The following GLIS3 variants were observed in gnomAD, a reference collection of about 807,000 sequenced individuals.
The protein encoded by GLIS3 is zinc finger protein GLIS3.
In GLIS3, 53 loss-of-function variants were observed where a neutral mutation model predicts 78.6. The ratio of observed to expected loss-of-function variants is 0.67; its 90% CI spans 0.54 to 0.85. The LOEUF (loss-of-function observed/expected upper bound fraction) is 0.85, where lower values mean the gene tolerates loss of function less well. GLIS3 is among the 40% of genes least tolerant of loss of function. The pLI is 0.00. For synonymous variants in GLIS3, 684 were observed against 509.9 expected, an observed-to-expected ratio of 1.34 and a Z score of -4.60; for missense variants, 1,703 against 1,231.1, an observed-to-expected ratio of 1.38 and a Z score of -5.74.
chr9:4,142,641 T>C (rs556607319), intron 2 of GLIS3, among the ~76,000 whole-genome samples: 1 of 152,292 alleles, frequency 6.6e-6, no homozygotes, highest in African/African-American at 2.4e-5. Context: ...AAATCCAGTT[T>C]GAAATAAAAT....
At chr9:4,431,084 T>A in the GLIS3 span, among the ~76,000 whole-genome samples, 5 of 152,216 alleles carry the variant, frequency 3.3e-5, no homozygotes, top group Non-Finnish European at 7.3e-5. Context: ...TGGGCCTTTT[T>A]TCCTACCGTT....
chr9:3,980,410 A>G (rs1819161632), intron 4 of GLIS3, among the ~76,000 whole-genome samples: 1 of 152,154 alleles, frequency 6.6e-6, no homozygotes, highest in African/African-American at 2.4e-5. Flanking sequence ...CAGAGTCCAT[A>G]TCTCTCTCCT....
the GLIS3 span, among the ~76,000 whole-genome samples, chr9:4,383,801 T>G: frequency 2.6e-5 from 4 of 152,220 alleles, no homozygotes; most frequent in Non-Finnish European, 5.9e-5. Context: ...GACCACAAAC[T>G]TCTATGTTCA....
the GLIS3 span, among the ~76,000 whole-genome samples, chr9:4,474,020 C>G: frequency 7.6e-6 from 1 of 131,582 alleles, no homozygotes; most frequent in Non-Finnish European, 1.8e-5. Context: ...GTCAGTTCCC[C>G]CCTAAAGCTA....
chr9:4,118,884 G>A lies in GLIS3; in HGVS notation c.597-3C>T, dbSNP rs768036394. On this transcript the variant is annotated splice_region_variant and splice_polypyrimidine_tract_variant and intron_variant, in intron 3 of 10. Transcript: ENST00000381971. The surrounding 1 kb of genome is among the most constrained non-coding windows in gnomAD (Gnocchi z 4.7). ...AAGACTCACGCGAAATAAGGGACCTGGAACAGCAGCCAGAAAGGAAGAAAA... is the reference window on the plus strand; with the variant it reads ...AAGACTCACGCGAAATAAGGGACCTAGAACAGCAGCCAGAAAGGAAGAAAA... The A allele has an allele frequency of 3.7e-6, 6 of 1,600,694 alleles. No individual in the cohort carries two copies. The Admixed American group carries it at 1.0e-4, about 27-fold the overall frequency.
At chr9:4,472,905 A>G in the GLIS3 span, among the ~76,000 whole-genome samples, 2 of 152,214 alleles carry the variant, frequency 1.3e-5, no homozygotes, top group African/African-American at 4.8e-5. Flanking sequence ...CTATATTTCT[A>G]GATATCATTA....
intron 2 of GLIS3, among the ~76,000 whole-genome samples, chr9:4,263,276 G>C (rs943506321): frequency 2.0e-5 from 3 of 152,160 alleles, no homozygotes; most frequent in African/African-American, 7.2e-5. Context: ...GTGTTGATGG[G>C]TGAGATCACG....
intron 1 of GLIS3, among the ~76,000 whole-genome samples, chr9:4,294,363 G>T (rs530231281): frequency 1.3e-4 from 20 of 152,240 alleles, no homozygotes; most frequent in African/African-American, 4.1e-4. Context: ...TACAAAATTA[G>T]CCAGGCATGG....
the GLIS3 span, among the ~76,000 whole-genome samples, chr9:4,356,594 T>C: frequency 2.6e-5 from 4 of 152,234 alleles, no homozygotes; most frequent in South Asian, 4.1e-4. Flanking sequence ...GCTGTCTCTA[T>C]TGCAGCTATT....
At chr9:4,183,697 A>T (rs1296645165) in intron 2 of GLIS3, among the ~76,000 whole-genome samples, 2 of 152,210 alleles carry the variant, frequency 1.3e-5, no homozygotes, top group East Asian at 1.9e-4. Context: ...TACAAAATTT[A>T]AAAAATAATA....
intron 4 of GLIS3, among the ~76,000 whole-genome samples, chr9:4,307,036 G>A (rs908671049): frequency 6.6e-6 from 1 of 152,208 alleles, no homozygotes; most frequent in African/African-American, 2.4e-5. Context: ...GGCAAGTTAT[G>A]AGTGATCTGT....
intron 2 of GLIS3, among the ~76,000 whole-genome samples, chr9:4,232,779 T>A (rs767019777): frequency 6.6e-6 from 1 of 152,206 alleles, no homozygotes; most frequent in Non-Finnish European, 1.5e-5. Context: ...ATTCCTATTC[T>A]TTGTTTTTCC....
At chr9:4,136,483 C>G (rs1162570111) in intron 2 of GLIS3, among the ~76,000 whole-genome samples, 1 of 152,176 alleles carries the variant, frequency 6.6e-6, no homozygotes, top group Non-Finnish European at 1.5e-5. Context: ...TACTGTAAGT[C>G]TTCAGGAGCC....
At chr9:4,204,262 G>C (rs1819652862) in intron 2 of GLIS3, among the ~76,000 whole-genome samples, 2 of 152,266 alleles carry the variant, frequency 1.3e-5, no homozygotes, top group African/African-American at 4.8e-5. Context: ...AGTACAGTTA[G>C]CGATTTTATA....
chr9:4,176,367 A>G (rs1309081290), intron 2 of GLIS3, among the ~76,000 whole-genome samples: 1 of 152,176 alleles, frequency 6.6e-6, no homozygotes, highest in Non-Finnish European at 1.5e-5. Context: ...CCACCTATAC[A>G]TGTTTGGAAA....
At chr9:3,942,876 C>G (rs1050070017) in intron 4 of GLIS3, among the ~76,000 whole-genome samples, 1 of 150,906 alleles carries the variant, frequency 6.6e-6, no homozygotes, top group African/African-American at 2.4e-5. Context: ...TTTAAAAAGA[C>G]GAAATAAAAT....
rs1378753633 is a variant in GLIS3, at chr9:4,285,087, G to C, written c.388+951C>G. 3.9e-5 allele frequency among the ~76,000 whole-genome samples: 6 copies of C among 152,094 alleles called. No individual in the cohort carries two copies. In the East Asian group the frequency reaches 1.2e-3, roughly 29 times the overall value. On this transcript the variant is annotated intron_variant, in intron 2 of 10. Coordinates refer to ENST00000381971, the MANE Select transcript of GLIS3 (RefSeq NM_001042413.2). ...TTCACCTTAATTAACTGAATGACTG[G>C]CTATTCTGAAGGTTGCTAGTAATTC...
the GLIS3 span, among the ~76,000 whole-genome samples, chr9:4,464,194 C>G: frequency 6.6e-6 from 1 of 151,940 alleles, no homozygotes; most frequent in South Asian, 2.1e-4. Flanking sequence ...ACCTCTCTAA[C>G]GTTGCTTATT....
At chr9:4,425,734 T>A in the GLIS3 span, among the ~76,000 whole-genome samples, 99 of 152,302 alleles carry the variant, frequency 6.5e-4, no homozygotes, top group Non-Finnish European at 1.3e-3. Context: ...CTTTACCTAG[T>A]ACCACCTGCT....
Sources: allele counts gnomAD v4.1 joint callset (sites outside exome capture counted in the v4.1 genomes callset), GRCh38; gene constraint gnomAD v4.1.1; non-coding constraint Gnocchi (gnomAD v3.1); transcripts MANE v1.5; gene names NCBI Gene and HGNC (gene_info 2026-07-23, HGNC 2026-07-21).